C2orf92: variants seen among roughly 807,000 people sequenced by gnomAD.
The protein encoded by C2orf92 is uncharacterized protein C2orf92.
At chr2:97,684,775 C>A (rs1208061928) in intron 3 of C2orf92, among the ~76,000 whole-genome samples, 1 of 152,138 alleles carries the variant, frequency 6.6e-6, no homozygotes, top group African/African-American at 2.4e-5. Context: ...AAACAAACAA[C>A]CCACTCCAAA....
chr2:97,698,384 A>T (rs1483814706), intron 5 of C2orf92, among the ~76,000 whole-genome samples: 1 of 152,208 alleles, frequency 6.6e-6, no homozygotes, highest in African/African-American at 2.4e-5. Context: ...CAGAGCTAGG[A>T]TGCAAATATT....
intron 5 of C2orf92, among the ~76,000 whole-genome samples, chr2:97,692,470 C>CA (rs1432444664): frequency 1.4e-5 from 2 of 142,072 alleles, no homozygotes; most frequent in African/African-American, 2.7e-5. Context: ...AGTGCAGTGG[C>CA]ATGATCTCAG....
chr2:97,674,732 C>T (rs1024960356), intron 2 of C2orf92, among the ~76,000 whole-genome samples, 175 bp downstream of exon 2: 3 of 152,130 alleles, frequency 2.0e-5, no homozygotes, highest in African/African-American at 7.2e-5. Flanking sequence ...AGTCTTCCTC[C>T]CAATATGGGA....
intron 1 of C2orf92, chr2:97,674,189 G>T: frequency 3.5e-6 from 1 of 288,592 alleles, no homozygotes. Context: ...AGAGGAAGAA[G>T]AAGGAGAATT....
chr2:97,688,110 C>T (rs1676023153), intron 3 of C2orf92, among the ~76,000 whole-genome samples: 1 of 152,156 alleles, frequency 6.6e-6, no homozygotes, highest in African/African-American at 2.4e-5. Context: ...GGCCACGGCT[C>T]AACTCTGCAG....
At chr2:97,681,903 C>T (rs1465222139) in intron 3 of C2orf92, among the ~76,000 whole-genome samples, 2 of 151,084 alleles carry the variant, frequency 1.3e-5, no homozygotes, top group Admixed American at 6.6e-5. Context: ...AATTGTACAC[C>T]TAAAGGAACT....
At chr2:97,675,604 A>G (rs1675548560) in intron 2 of C2orf92, 2 of 375,644 alleles carry the variant, frequency 5.3e-6, no homozygotes, top group Admixed American at 9.1e-5. Context: ...AAATCTCTCA[A>G]TGCTTATGCA....
At chr2:97,688,408 A>C (rs1237838200) in intron 3 of C2orf92, among the ~76,000 whole-genome samples, 5 of 152,220 alleles carry the variant, frequency 3.3e-5, no homozygotes, top group Non-Finnish European at 7.3e-5. Flanking sequence ...GGAAGCCAGA[A>C]GCCTGAGAAC....
chr2:97,703,013 C>G lies in C2orf92; in HGVS notation c.*212C>G. ...GCACCGATGGCTGGCGTCGGTGAAC[C>G]CGACAGACTATGGATTTATCATTTA... On this transcript the variant is annotated 3_prime_UTR_variant, in exon 8 of 8. Coordinates refer to ENST00000627399, the MANE Select transcript of C2orf92 (RefSeq NM_001351368.2). 1 of 383,260 alleles carries G rather than the reference C, an allele frequency of 2.6e-6. No homozygotes were observed. The allele number at this position is 383,260 out of a possible 1,614,324, so 23.7% of individuals were successfully genotyped here.
intron 3 of C2orf92, among the ~76,000 whole-genome samples, chr2:97,679,837 C>CAAAAAAAAAAAAAAAAAAAAAAAAAA (rs55696146): frequency 1.1e-5 from 1 of 94,746 alleles, no homozygotes; most frequent in Non-Finnish European, 1.9e-5. Context: ...AACTCTATCT[C>CAAAAAAAAAAAAAAAAAAAAAAAAAA]AAAAAAAAAA....
In C2orf92 at chr2:97,689,412, C is replaced by G. The variant is rs551273223; in HGVS notation, c.331+419C>G. On this transcript the variant is annotated intron_variant, in intron 4 of 7. Coordinates refer to ENST00000627399, the MANE Select transcript of C2orf92 (RefSeq NM_001351368.2). ...TTAGTGCAGTCATTAATACCCCATT[C>G]AGTGGATGATAAAACAAGACCAAAA... 3.3e-5 allele frequency among the ~76,000 whole-genome samples: 5 copies of G among 152,310 alleles called. No homozygotes were observed. The South Asian group carries it at 1.0e-3, about 32-fold the overall frequency.
intron 3 of C2orf92, among the ~76,000 whole-genome samples, chr2:97,680,313 A>T (rs1437836192): frequency 6.6e-6 from 1 of 152,174 alleles, no homozygotes; most frequent in Non-Finnish European, 1.5e-5. Context: ...ACAAAAACAA[A>T]AGAGCAAAAT....
intron 6 of C2orf92, 106 bp from the exon 7 acceptor site, chr2:97,701,048 A>G: frequency 2.5e-6 from 1 of 392,970 alleles, no homozygotes. Context: ...CAAGGTTTCT[A>G]TTCTGTTATG....
chr2:97,664,317 C>G (rs1331398908), exon 1 of C2orf92: 1 of 152,428 alleles, frequency 6.6e-6, no homozygotes, highest in Non-Finnish European at 1.5e-5. Flanking sequence ...TTCACCGGTC[C>G]AGGAAGACGT....
intron 6 of C2orf92, among the ~76,000 whole-genome samples, chr2:97,700,953 G>A (rs184648874): frequency 0.01 from 1,587 of 151,890 alleles, 14 homozygotes; most frequent in Non-Finnish European, 0.015. Flanking sequence ...GGATGGTCTC[G>A]ATCTCCTGAC....
intron 5 of C2orf92, among the ~76,000 whole-genome samples, chr2:97,692,036 T>G (rs1375957707): frequency 6.6e-6 from 1 of 152,234 alleles, no homozygotes; most frequent in Non-Finnish European, 1.5e-5. Flanking sequence ...AACATCAACT[T>G]GTCTAACTTC....
intron 3 of C2orf92, among the ~76,000 whole-genome samples, chr2:97,677,120 A>G (rs2104548109): frequency 6.6e-6 from 1 of 152,362 alleles, no homozygotes; most frequent in East Asian, 1.9e-4. Context: ...AGTGGCTGCC[A>G]TCCTCCATTC....
chr2:97,689,120 A>G, intron 4 of C2orf92, 127 bp downstream of exon 4: 1 of 395,986 alleles, frequency 2.5e-6, no homozygotes, highest in East Asian at 3.6e-5. Flanking sequence ...CCAAATTGAG[A>G]TATGAAGGAA....
At chr2:97,692,398 G>C (rs1000356311) in intron 5 of C2orf92, among the ~76,000 whole-genome samples, 1 of 143,588 alleles carries the variant, frequency 7.0e-6, no homozygotes, top group Non-Finnish European at 1.5e-5. Flanking sequence ...TATAGAGATA[G>C]TTTTACTTCT....
Sources: allele counts gnomAD v4.1 joint callset (sites outside exome capture counted in the v4.1 genomes callset), GRCh38; gene constraint gnomAD v4.1.1; transcripts MANE v1.5; gene names NCBI Gene and HGNC (gene_info 2026-07-23, HGNC 2026-07-21).